The following BLTP2 variants were observed in gnomAD, a reference collection of about 807,000 sequenced individuals.
BLTP2 encodes the protein bridge-like lipid transfer protein family member 2, also known as U937-associated antigen.
At chr17:28,626,668 A>G in the BLTP2 span, among the ~76,000 whole-genome samples, 1 of 152,136 alleles carries the variant, frequency 6.6e-6, no homozygotes, top group Non-Finnish European at 1.5e-5. Context: ...CTCCATTAAA[A>G]ACCCAAAAGG....
chr17:28,644,244 C>T, the BLTP2 span: 33 of 1,581,616 alleles, frequency 2.1e-5, no homozygotes, highest in Non-Finnish European at 2.7e-5. Context: ...GTTTCCCTCA[C>T]CCCTTGCTGG....
chr17:28,636,975 C>A, the BLTP2 span: 4 of 1,613,462 alleles, frequency 2.5e-6, no homozygotes, highest in Non-Finnish European at 3.4e-6. Flanking sequence ...CTCCAGAGAG[C>A]GGATGCTGCT....
At chr17:28,618,295 A>G in the BLTP2 span, among the ~76,000 whole-genome samples, 1 of 151,986 alleles carries the variant, frequency 6.6e-6, no homozygotes, top group African/African-American at 2.4e-5. Context: ...TCTGTTGCCC[A>G]GGCTGGAGTG....
the BLTP2 span, chr17:28,639,458 C>G: frequency 2.5e-6 from 4 of 1,611,730 alleles, no homozygotes; most frequent in Non-Finnish European, 3.4e-6. Flanking sequence ...CAATGGTGGT[C>G]ACCTGAAATA....
the BLTP2 span, chr17:28,620,697 A>C: frequency 6.4e-7 from 1 of 1,571,854 alleles, no homozygotes; most frequent in Admixed American, 1.8e-5. Context: ...CCATCTCTTA[A>C]CCCACATTTG....
the BLTP2 span, chr17:28,638,264 G>A: frequency 6.2e-7 from 1 of 1,612,218 alleles, no homozygotes; most frequent in Non-Finnish European, 8.5e-7. Context: ...GTAGTGTGAA[G>A]GAGTCCAGAA....
At chr17:28,640,220 C>T in the BLTP2 span, among the ~76,000 whole-genome samples, 1 of 152,110 alleles carries the variant, frequency 6.6e-6, no homozygotes, top group African/African-American at 2.4e-5. Context: ...CAGTGAAACC[C>T]TGCCTCTACT....
the BLTP2 span, chr17:28,638,710 C>T: frequency 2.2e-6 from 2 of 891,556 alleles, no homozygotes; most frequent in Non-Finnish European, 3.6e-6. Flanking sequence ...GGAACAGTTT[C>T]TGAAGCTCTC....
At chr17:28,639,322 TC>T in the BLTP2 span, 1 of 1,614,174 alleles carries the variant, frequency 6.2e-7, no homozygotes, top group Non-Finnish European at 8.5e-7. Flanking sequence ...GACCTTTTTT[TC>T]CTTTGCTTTA....
the BLTP2 span, among the ~76,000 whole-genome samples, chr17:28,644,664 G>A: frequency 1.3e-5 from 2 of 152,216 alleles, no homozygotes; most frequent in African/African-American, 4.8e-5. Flanking sequence ...CTTGGCGAAA[G>A]GGACATGCAG....
chr17:28,636,827 C>T, the BLTP2 span: 1 of 695,288 alleles, frequency 1.4e-6, no homozygotes, highest in Non-Finnish European at 2.4e-6. Flanking sequence ...CTGCTTGAGC[C>T]CAGTAGTTTA....
chr17:28,615,973 ACAG>A, the BLTP2 span: 14 of 1,011,350 alleles, frequency 1.4e-5, no homozygotes, highest in Admixed American at 2.5e-4. Flanking sequence ...AGCAGAGGGA[ACAG>A]CAGATTTATC....
chr17:28,629,199 G>A, the BLTP2 span, among the ~76,000 whole-genome samples: 2 of 151,772 alleles, frequency 1.3e-5, no homozygotes, highest in African/African-American at 4.8e-5. Context: ...ACAAGCCACT[G>A]TGCTGGCCCA....
chr17:28,643,959 A>C, the BLTP2 span: 1 of 1,444,746 alleles, frequency 6.9e-7, no homozygotes, highest in Non-Finnish European at 9.4e-7. Context: ...GATTAACTAG[A>C]AAAGCCACCA....
At chr17:28,634,181 AT>A in the BLTP2 span, 2 of 1,088,426 alleles carry the variant, frequency 1.8e-6, no homozygotes, top group Non-Finnish European at 1.3e-6. Context: ...ACCCATCTAT[AT>A]TTACAAAGTC....
chr17:28,643,578 C>T, the BLTP2 span: 1 of 1,601,280 alleles, frequency 6.2e-7, no homozygotes, highest in East Asian at 2.2e-5. Context: ...AAGTACTCTT[C>T]TAGGGGAGAA....
At chr17:28,640,406 AT>A in the BLTP2 span, 50 of 768,674 alleles carry the variant, frequency 6.5e-5, no homozygotes, top group East Asian at 1.3e-3. Context: ...AATAATAATA[AT>A]TTTTTTAATT....
At chr17:28,636,495 T>C in the BLTP2 span, among the ~76,000 whole-genome samples, 9 of 152,202 alleles carry the variant, frequency 5.9e-5, no homozygotes, top group Non-Finnish European at 1.0e-4. Flanking sequence ...GTTGAAATTA[T>C]ATATGTCTGA....
chr17:28,633,500 C>T, the BLTP2 span: 40 of 1,600,338 alleles, frequency 2.5e-5, no homozygotes, highest in South Asian at 4.1e-4. Flanking sequence ...GCTATACAGA[C>T]CTCAACCATA....
Sources: gnomAD v4.1 joint callset for allele counts (sites outside exome capture counted in the v4.1 genomes callset) on GRCh38, gnomAD v4.1.1 for gene constraint, MANE v1.5 for transcripts, NCBI Gene and HGNC (gene_info 2026-07-23, HGNC 2026-07-21) for gene names.